Variants in CCAR1 observed in about 807,000 individuals in gnomAD.
CCAR1 encodes cell division cycle and apoptosis regulator 1.
In CCAR1, 78 loss-of-function variants were observed where a neutral mutation model predicts 163.8. That is an observed-to-expected ratio of 0.48 (90% CI 0.40 to 0.57). The LOEUF is 0.57. Ranked by LOEUF, CCAR1 falls within the 20% of genes least tolerant of loss-of-function variation. CCAR1 has a pLI of 0.00. For synonymous variants in CCAR1, 443 were observed against 460.7 expected (o/e 0.96, Z 0.49); for missense variants, 1,019 against 1,365.2 (o/e 0.75, Z 4.00).
At chr10:68,753,820 C>A in intron 10 of CCAR1, 32 bp from the exon 11 acceptor site, 2 of 1,413,796 alleles carry the variant, frequency 1.4e-6, no homozygotes, top group South Asian at 1.2e-5. Context: ...TTTATTAAGG[C>A]TATTTATTCA....
At chr10:68,743,116 A>T (rs561255885) in intron 6 of CCAR1, among the ~76,000 whole-genome samples, 2 of 151,704 alleles carry the variant, frequency 1.3e-5, no homozygotes, top group Non-Finnish European at 2.9e-5. Flanking sequence ...TATTTTTAGT[A>T]TGAGACAGAG....
At chr10:68,786,040 C>T (rs929476433) in intron 19 of CCAR1, 96 bp from the exon 20 acceptor site, 6 of 786,398 alleles carry the variant, frequency 7.6e-6, no homozygotes, top group Non-Finnish European at 1.3e-5. Flanking sequence ...ACGCCTGGCC[C>T]TCCTGAGTAG....
At chr10:68,783,702 C>T (rs1219836235) in intron 19 of CCAR1, among the ~76,000 whole-genome samples, 5 of 151,644 alleles carry the variant, frequency 3.3e-5, no homozygotes, top group Non-Finnish European at 5.9e-5. Context: ...AGAAATGCAG[C>T]CTGAAGATGG....
intron 17 of CCAR1, 138 bp downstream of exon 17, chr10:68,766,217 T>G (rs548851085): frequency 3.2e-6 from 2 of 627,288 alleles, no homozygotes; most frequent in South Asian, 4.4e-5. Flanking sequence ...TTTTGTTTTT[T>G]TTTGAGACAG....
chr10:68,734,681 A>C (rs2056084471), intron 2 of CCAR1, among the ~76,000 whole-genome samples: 1 of 152,082 alleles, frequency 6.6e-6, no homozygotes, highest in East Asian at 1.9e-4. Context: ...GTAAAGCGTA[A>C]ATGCATTTAA....
chr10:68,764,088 C>G (rs1447743424), intron 16 of CCAR1, among the ~76,000 whole-genome samples: 3 of 152,110 alleles, frequency 2.0e-5, no homozygotes, highest in Non-Finnish European at 4.4e-5. Context: ...ATATTTAAAT[C>G]TATATTTATT....
chr10:68,754,030 A>G lies in CCAR1; in HGVS notation c.1297A>G (p.Met433Val), dbSNP rs1242047836. 1 of 1,613,878 alleles carries G rather than the reference A, an allele frequency of 6.2e-7. No individual in the cohort carries two copies. The highest frequency in any genetic ancestry group is 1.7e-5 in the Admixed American group (1 of 60,006). ...AGAAGTAGAGTCCTTAGAAAAAAAT[A>G]TGGCCATTCTTGATCCACCAGATGC... ...HREVESLEKN[M>V]AILDPPDADH... Residue 433 changes from methionine to valine, a missense_variant, in exon 11 of 25, where the codon ATG becomes GTG. Physicochemically the swap from Met to Val is conservative, Grantham distance 21. This residue lies in a region of CCAR1 where 644 missense variants were observed against 904.4 expected (regional missense o/e 0.71). Transcript: ENST00000265872.
In CCAR1 at chr10:68,722,550, T is replaced by C; in HGVS notation, c.46T>C (p.Phe16Leu). The C allele has an allele frequency of 6.2e-7, 1 of 1,613,794 alleles. No homozygotes were observed. Among genetic ancestry groups the C allele is most frequent in the South Asian group, 1.1e-5 (1 of 91,076 alleles). Reference protein sequence around the residue: ...GQKNPPWATQFTATAVSQPAA... With the variant: ...GQKNPPWATQLTATAVSQPAA... ...GAAGAATCCGCCATGGGCTACTCAG[T>C]TTACAGCCACTGCAGTATCACAGCC... The change falls in exon 2 of 25, where the codon TTT (phenylalanine) becomes CTT (leucine). Residue 16 changes from phenylalanine (F) to leucine (L), a missense_variant. Phe to Leu is a conservative substitution (Grantham distance 22). Coordinates refer to ENST00000265872, the MANE Select transcript of CCAR1 (RefSeq NM_018237.4).
At chr10:68,775,602 C>T (rs1272825976) in intron 19 of CCAR1, among the ~76,000 whole-genome samples, 3 of 150,680 alleles carry the variant, frequency 2.0e-5, no homozygotes, top group East Asian at 1.9e-4. Flanking sequence ...CTCTGCCTCC[C>T]GGGTTCAAGC....
At chr10:68,741,789 GGA>G (rs1272150489) in intron 5 of CCAR1, among the ~76,000 whole-genome samples, 10 of 152,182 alleles carry the variant, frequency 6.6e-5, no homozygotes, top group African/African-American at 2.4e-4. Context: ...AGCAGGGATA[GGA>G]GAGAGGCTTT....
intron 21 of CCAR1, among the ~76,000 whole-genome samples, chr10:68,787,327 C>G (rs1213146193): frequency 6.6e-6 from 1 of 151,546 alleles, no homozygotes; most frequent in East Asian, 1.9e-4. Flanking sequence ...CTGCCTCATT[C>G]TTTTTATAGC....
intron 19 of CCAR1, among the ~76,000 whole-genome samples, chr10:68,781,239 A>C (rs1447152641): frequency 1.3e-5 from 2 of 151,626 alleles, no homozygotes; most frequent in Admixed American, 1.3e-4. Flanking sequence ...TCTCCAAAAA[A>C]AAAGAAAAGA....
chr10:68,776,571 AAAG>A (rs1201985007), intron 19 of CCAR1, among the ~76,000 whole-genome samples: 1 of 152,108 alleles, frequency 6.6e-6, no homozygotes, highest in African/African-American at 2.4e-5. Context: ...CGTCTGTAAA[AAAG>A]AAAAAGATAA....
intron 8 of CCAR1, among the ~76,000 whole-genome samples, chr10:68,748,404 A>C (rs558930485): frequency 1.3e-5 from 2 of 152,230 alleles, no homozygotes; most frequent in South Asian, 4.1e-4. Flanking sequence ...CTGTCTCAAA[A>C]AAAAGAGAAA....
chr10:68,757,237 A>G (rs2056405940), intron 14 of CCAR1, 57 bp from the exon 15 acceptor site: 3 of 918,964 alleles, frequency 3.3e-6, no homozygotes, highest in Non-Finnish European at 5.2e-6. Flanking sequence ...TTAAAAATAA[A>G]TTATTTTTAT....
At chr10:68,735,247 C>T (rs2133318478) in intron 2 of CCAR1, among the ~76,000 whole-genome samples, 1 of 152,194 alleles carries the variant, frequency 6.6e-6, no homozygotes, top group South Asian at 2.1e-4. Context: ...ACTCGGAAGG[C>T]TGAGGTGGGA....
At chr10:68,770,384 T>G (rs2056586984) in intron 17 of CCAR1, among the ~76,000 whole-genome samples, 1 of 152,210 alleles carries the variant, frequency 6.6e-6, no homozygotes, top group Non-Finnish European at 1.5e-5. Flanking sequence ...CAGGCCCTGG[T>G]ACATACCAGG....
chr10:68,740,658 A>T lies in CCAR1; in HGVS notation c.321A>T (p.Thr107=). 1 of 1,609,886 alleles carries T rather than the reference A, an allele frequency of 6.2e-7. No individual in the cohort carries two copies. Among genetic ancestry groups the T allele is most frequent in the Non-Finnish European group, 8.5e-7 (1 of 1,177,640 alleles). Residue 107 remains threonine, a synonymous_variant, in exon 5 of 25, where the codon ACA becomes ACT. Coordinates refer to ENST00000265872, the MANE Select transcript of CCAR1 (RefSeq NM_018237.4). ...AGCAACCCCAGCAAACCCTCTTAACACAGGTTAGTTGGTATTACTTTATTT... is the reference window on the plus strand; with the variant it reads ...AGCAACCCCAGCAAACCCTCTTAACTCAGGTTAGTTGGTATTACTTTATTT... ...QLQQPQQTLL[T]QPAVALPTSL...
intron 2 of CCAR1, among the ~76,000 whole-genome samples, chr10:68,730,274 T>C (rs2056018097): frequency 6.6e-6 from 1 of 151,298 alleles, no homozygotes; most frequent in African/African-American, 2.4e-5. Context: ...TAATAGTATA[T>C]TATAACATGA....
Sources: gnomAD v4.1 joint callset for allele counts (sites outside exome capture counted in the v4.1 genomes callset) on GRCh38, gnomAD v4.1.1 for gene constraint, gnomAD v4.1.1 regional missense constraint, MANE v1.5 for transcripts, NCBI Gene and HGNC (gene_info 2026-07-23, HGNC 2026-07-21) for gene names.